Variants in ADAM12 observed in about 807,000 individuals in gnomAD.
ADAM12 encodes disintegrin and metalloproteinase domain-containing protein 12.
In ADAM12, 70 loss-of-function variants were observed where a neutral mutation model predicts 106.4. The observed-to-expected ratio is 0.66, with a 90% CI of 0.54 to 0.80. The LOEUF is 0.80. Among genes scored for constraint, ADAM12 ranks in the 30% least tolerant of loss-of-function variants. The probability of loss-of-function intolerance (pLI) is 0.00; values close to 1 mark genes in which losing one functional copy is unlikely to be tolerated. For synonymous variants in ADAM12, 420 were observed against 433.5 expected (o/e 0.97, Z 0.39); for missense variants, 1,010 against 1,171.9 (o/e 0.86, Z 2.02).
At chr10:126,085,163 T>C (rs1490278755) in intron 11 of ADAM12, among the ~76,000 whole-genome samples, 1 of 152,218 alleles carries the variant, frequency 6.6e-6, no homozygotes, top group East Asian at 1.9e-4. Flanking sequence ...CAGGTCTCCA[T>C]GGATTATGTA....
intron 21 of ADAM12, among the ~76,000 whole-genome samples, chr10:126,025,430 G>GA (rs1293865593): frequency 1.3e-5 from 2 of 151,192 alleles, no homozygotes; most frequent in African/African-American, 4.9e-5. Context: ...TGAAGCAGAG[G>GA]AAAAAATCTC....
chr10:126,120,282 A>G (rs1956061684), intron 5 of ADAM12, among the ~76,000 whole-genome samples: 1 of 152,228 alleles, frequency 6.6e-6, no homozygotes, highest in Admixed American at 6.5e-5. Context: ...TTTTATTTTA[A>G]CAGTCATAGC....
intron 3 of ADAM12, among the ~76,000 whole-genome samples, chr10:126,178,884 T>A: frequency 6.6e-6 from 1 of 151,928 alleles, no homozygotes; most frequent in Admixed American, 6.6e-5. Context: ...CCATCTCTAT[T>A]AAAAATACAA....
At position 126,017,348 on chromosome 10, in the gene ADAM12, AGAGAG is replaced by A; in HGVS notation, c.2661-14_2661-10del. 6.4e-7 allele frequency: 1 copy of A among 1,571,176 alleles called. No homozygotes were observed. On this transcript the variant is annotated splice_polypyrimidine_tract_variant and intron_variant, in intron 22 of 22. Transcript: ENST00000448723. ...GATATTGTGGAGCAGGTCTGAATGA[AGAGAG>A]GAGAAAAAAAAATGATCAGAGACCT...
At chr10:126,158,352 G>A (rs1956859766) in intron 3 of ADAM12, among the ~76,000 whole-genome samples, 1 of 147,380 alleles carries the variant, frequency 6.8e-6, no homozygotes, top group African/African-American at 2.5e-5. Flanking sequence ...CACAGAGCAT[G>A]AGGGATGCAC....
intron 3 of ADAM12, among the ~76,000 whole-genome samples, chr10:126,241,831 T>C (rs1340471964): frequency 6.6e-6 from 1 of 152,242 alleles, no homozygotes; most frequent in African/African-American, 2.4e-5. Context: ...AATAGTGCTA[T>C]CAATACTTTA....
intron 3 of ADAM12, among the ~76,000 whole-genome samples, chr10:126,241,746 C>T (rs1958528292): frequency 6.6e-6 from 1 of 152,182 alleles, no homozygotes; most frequent in East Asian, 1.9e-4. Flanking sequence ...TTTGCAAGGA[C>T]ATCACTGTAA....
At chr10:126,351,189 T>C (rs1431951584) in intron 1 of ADAM12, among the ~76,000 whole-genome samples, 1 of 151,236 alleles carries the variant, frequency 6.6e-6, no homozygotes, top group Admixed American at 6.6e-5. Flanking sequence ...TGTGCCCTGC[T>C]CCCCCACCCC....
At chr10:126,084,320 C>T (rs1223508996) in intron 11 of ADAM12, among the ~76,000 whole-genome samples, 12 of 152,204 alleles carry the variant, frequency 7.9e-5, no homozygotes, top group Non-Finnish European at 1.5e-4. Flanking sequence ...AACCCAGGGG[C>T]GGGGGACACA....
chr10:126,208,162 C>T (rs981910944), intron 3 of ADAM12, among the ~76,000 whole-genome samples: 3 of 152,036 alleles, frequency 2.0e-5, no homozygotes, highest in Non-Finnish European at 4.4e-5. Flanking sequence ...AAAGAAGCCA[C>T]CATAAAAGGT....
chr10:126,134,356 G>T (rs777536418), intron 5 of ADAM12, among the ~76,000 whole-genome samples: 1 of 152,186 alleles, frequency 6.6e-6, no homozygotes, highest in Non-Finnish European at 1.5e-5. Context: ...TGATGTATAT[G>T]ATGTGACTCT....
chr10:126,273,450 T>TA (rs1041271466), intron 3 of ADAM12: 49 of 149,422 alleles, frequency 3.3e-4, no homozygotes, highest in Non-Finnish European at 4.2e-4. Context: ...TTTAACTTCT[T>TA]AAAAAAAAAA....
In ADAM12 at chr10:126,089,988, C is replaced by T. The variant is rs540117884; in HGVS notation, c.1145+3997G>A. On this transcript the variant is annotated intron_variant, in intron 11 of 22. Coordinates refer to ENST00000448723, the MANE Select transcript of ADAM12 (RefSeq NM_001288973.2). ...TTTTAAAAATAGAGACAGGGTCTTG[C>T]TATGTTGCCCATGCTGGTCTTGAAC... Among the ~76,000 whole-genome samples, 35 of 152,216 alleles carry T rather than the reference C, an allele frequency of 2.3e-4. 1 individual carries two copies. The South Asian group carries it at 7.1e-3, about 31-fold the overall frequency.
At chr10:126,224,414 T>C (rs1427419370) in intron 3 of ADAM12, among the ~76,000 whole-genome samples, 1 of 152,170 alleles carries the variant, frequency 6.6e-6, no homozygotes, top group Non-Finnish European at 1.5e-5. Context: ...TTGCAGCTGC[T>C]GGACTCTTTC....
rs1338793648 is a variant in ADAM12, at chr10:126,015,544, T to A, written c.*1735A>T. 6.6e-6 allele frequency: 1 copy of A among 152,198 alleles called. No individual in the cohort carries two copies. Among genetic ancestry groups the A allele is most frequent in the Admixed American group, 6.5e-5 (1 of 15,280 alleles). 9.4% of individuals were successfully genotyped at this position (152,198 alleles called of 1,614,324 possible). ...TGCATGCTATACGAGTTGGAATGTA[T>A]TAGAGCTGGGTTCCCTTTTGTGTGT... On this transcript the variant is annotated 3_prime_UTR_variant, in exon 23 of 23. Coordinates refer to ENST00000448723, the MANE Select transcript of ADAM12 (RefSeq NM_001288973.2).
intron 3 of ADAM12, among the ~76,000 whole-genome samples, chr10:126,252,286 G>C (rs1958801693): frequency 6.6e-6 from 1 of 151,868 alleles, no homozygotes; most frequent in Admixed American, 6.5e-5. Flanking sequence ...GGATTAGATA[G>C]ATGGATGGAA....
At position 126,014,325 on chromosome 10, in the gene ADAM12, T is replaced by G. The variant is rs986843429; in HGVS notation, c.*2954A>C. 2 of 147,632 alleles carry G rather than the reference T, an allele frequency of 1.4e-5. No homozygotes were observed. The highest frequency in any genetic ancestry group is 3.0e-5 in the Non-Finnish European group (2 of 66,906). 9.1% of individuals were successfully genotyped at this position (147,632 alleles called of 1,614,324 possible). Reference sequence around the variant, plus strand: ...ACAGTTTTAGCCGGTTTTTTTTTTTTTTTTTTTTTTTTGAGGATGCATTGA... The same window carrying G: ...ACAGTTTTAGCCGGTTTTTTTTTTTGTTTTTTTTTTTTGAGGATGCATTGA... On this transcript the variant is annotated 3_prime_UTR_variant, in exon 23 of 23. Transcript: ENST00000448723.
chr10:126,270,329 T>C (rs4559596), intron 3 of ADAM12, among the ~76,000 whole-genome samples: 66,596 of 152,012 alleles, frequency 0.44, 16,628 homozygotes, highest in Non-Finnish European at 0.56. Context: ...AGAACATTCC[T>C]GTGGGCGATG....
At chr10:126,317,236 C>G (rs948608270) in intron 2 of ADAM12, among the ~76,000 whole-genome samples, 2 of 152,116 alleles carry the variant, frequency 1.3e-5, no homozygotes, top group Non-Finnish European at 2.9e-5. Flanking sequence ...CAGGTGAGGC[C>G]GAGGAACACA....
Sources: gnomAD v4.1 joint callset for allele counts (sites outside exome capture counted in the v4.1 genomes callset) on GRCh38, gnomAD v4.1.1 for gene constraint, MANE v1.5 for transcripts, NCBI Gene and HGNC (gene_info 2026-07-23, HGNC 2026-07-21) for gene names.